Variants in SKIL observed in about 807,000 individuals in gnomAD.
SKIL encodes ski-like protein.
Under a neutral mutation model 69.6 loss-of-function variants are expected in SKIL, and 20 were observed. The observed-to-expected ratio is 0.29, with a 90% CI of 0.20 to 0.42. SKIL has a LOEUF of 0.42. Among genes scored for constraint, SKIL ranks in the 10% least tolerant of loss-of-function variants. The probability of loss-of-function intolerance (pLI) is 1.00; values close to 1 mark genes in which losing one functional copy is unlikely to be tolerated. For synonymous variants in SKIL, 310 were observed against 279.9 expected (o/e 1.11, Z -1.08); for missense variants, 745 against 783.1 (o/e 0.95, Z 0.58).
chr3:170,377,174 T>C (rs1186119821), intron 2 of SKIL, among the ~76,000 whole-genome samples: 1 of 152,144 alleles, frequency 6.6e-6, no homozygotes, highest in Non-Finnish European at 1.5e-5. Context: ...GTTTGTTTTA[T>C]AAATAAGCAG....
chr3:170,363,134 G>T (rs953290120), intron 2 of SKIL, among the ~76,000 whole-genome samples: 12 of 151,902 alleles, frequency 7.9e-5, no homozygotes, highest in African/African-American at 2.9e-4. Flanking sequence ...TAGGAACTTT[G>T]AATTTTTCCA....
At chr3:170,371,505 T>C (rs1339663056) in intron 2 of SKIL, among the ~76,000 whole-genome samples, 1 of 152,016 alleles carries the variant, frequency 6.6e-6, no homozygotes, top group Non-Finnish European at 1.5e-5. Flanking sequence ...AGACTCTGTC[T>C]CAAAAAAAGA....
rs963174780 is a variant in SKIL at position 170,393,807 on chromosome 3, A to G, written c.*1390A>G. ...GAAATTACTTCAGAGAGCTATATTT[A>G]TTTTAAAATAAATTAGCTAGGGTTA... On this transcript the variant is annotated 3_prime_UTR_variant, in exon 7 of 7. Transcript: ENST00000259119. The G allele has an allele frequency of 1.3e-5, 2 of 152,144 alleles. No homozygotes were observed. Among genetic ancestry groups the G allele is most frequent in the African/African-American group, 4.8e-5 (2 of 41,432 alleles). 9.4% of individuals were successfully genotyped at this position (152,144 alleles called of 1,614,324 possible).
rs552737000 is a variant in SKIL, at chr3:170,360,359, T to C, written c.28T>C (p.Leu10=). Residue 10 remains leucine (L), a synonymous_variant, in exon 2 of 7, where the codon TTG becomes CTG. Coordinates refer to ENST00000259119, the MANE Select transcript of SKIL (RefSeq NM_005414.5). MENLQTNFS[L]VQGSTKKLNG... is the part of the protein sequence containing the mutation. ...GGAAAACCTCCAGACAAATTTCTCC[T>C]TGGTTCAGGGCTCAACTAAAAAACT... 5 of 1,567,878 alleles carry C rather than the reference T, an allele frequency of 3.2e-6. No individual in the cohort carries two copies. The highest frequency in any genetic ancestry group is 4.3e-6 in the Non-Finnish European group (5 of 1,160,776).
intron 2 of SKIL, among the ~76,000 whole-genome samples, chr3:170,374,246 T>C (rs917746632): frequency 5.4e-5 from 6 of 112,076 alleles, no homozygotes; most frequent in Admixed American, 4.1e-4. Context: ...CATAGACATT[T>C]GGAGTTTTAT....
At chr3:170,390,992 G>C in intron 5 of SKIL, 44 bp from the exon 6 acceptor site, 1 of 1,090,664 alleles carries the variant, frequency 9.2e-7, no homozygotes, top group Non-Finnish European at 1.4e-6. Context: ...TTTTAACATG[G>C]TGAAAATAAA....
intron 3 of SKIL, among the ~76,000 whole-genome samples, chr3:170,384,071 C>A (rs1737495314): frequency 6.6e-6 from 1 of 150,380 alleles, no homozygotes; most frequent in Admixed American, 6.6e-5. Context: ...TACTTGCAAG[C>A]TGGTTATGGT....
intron 2 of SKIL, among the ~76,000 whole-genome samples, chr3:170,380,382 C>T (rs1177727061): frequency 6.6e-6 from 1 of 152,124 alleles, no homozygotes; most frequent in Non-Finnish European, 1.5e-5. Context: ...GTGGCTCATG[C>T]CTGTAATCCC....
intron 2 of SKIL, among the ~76,000 whole-genome samples, chr3:170,373,682 A>T (rs1736890893): frequency 6.6e-6 from 1 of 152,200 alleles, no homozygotes; most frequent in Non-Finnish European, 1.5e-5. Context: ...ATTTGAAAAT[A>T]AGTTCCAGCT....
Position 170,391,180 on chromosome 3 carries a change from A to G in SKIL, c.1816A>G (p.Lys606Glu), listed in dbSNP as rs1361478501. ...TGTTGAACAGAAAGACTTAGAGAAAAAATTGGAGCAGATAATGAAGCAAAA... is the reference window on the plus strand; with the variant it reads ...TGTTGAACAGAAAGACTTAGAGAAAGAATTGGAGCAGATAATGAAGCAAAA... ...FYVEQKDLEK[K>E]LEQIMKQKCT... The change falls in exon 6 of 7, where the codon AAA (lysine) becomes GAA (glutamate). Residue 606 changes from lysine (K) to glutamate (E), a missense_variant. Physicochemically the swap from Lys to Glu is moderately conservative, Grantham distance 56. Transcript: ENST00000259119. The G allele has an allele frequency of 5.0e-6, 8 of 1,613,036 alleles. No homozygotes were observed. The Admixed American group carries it at 1.3e-4, about 27-fold the overall frequency.
intron 2 of SKIL, among the ~76,000 whole-genome samples, chr3:170,380,654 A>G (rs59521469): frequency 6.6e-6 from 1 of 151,972 alleles, no homozygotes; most frequent in Non-Finnish European, 1.5e-5. Context: ...AAAAAAAAAA[A>G]AAAATAAATA....
intron 2 of SKIL, among the ~76,000 whole-genome samples, chr3:170,364,031 A>G (rs1736372570): frequency 6.7e-6 from 1 of 149,846 alleles, no homozygotes. Context: ...GCTCACTGCA[A>G]CCTCTGCCTC....
chr3:170,365,752 C>CTT (rs59222162), intron 2 of SKIL, among the ~76,000 whole-genome samples: 53 of 106,454 alleles, frequency 5.0e-4, no homozygotes, highest in Non-Finnish European at 6.4e-4. Flanking sequence ...TCAAACTAGG[C>CTT]TTTTTTTTTT....
intron 2 of SKIL, among the ~76,000 whole-genome samples, chr3:170,368,623 A>T (rs1375629355): frequency 6.6e-6 from 1 of 152,150 alleles, no homozygotes; most frequent in African/African-American, 2.4e-5. Flanking sequence ...AATATTATGT[A>T]TTTGAGGAGT....
In SKIL at chr3:170,396,527, G is replaced by C. The variant is rs1295871309; in HGVS notation, c.*4110G>C. 1 of 152,188 alleles carries C rather than the reference G, an allele frequency of 6.6e-6. No homozygotes were observed. Among genetic ancestry groups the C allele is most frequent in the Non-Finnish European group, 1.5e-5 (1 of 68,034 alleles). 9.4% of individuals were successfully genotyped at this position (152,188 alleles called of 1,614,324 possible). On this transcript the variant is annotated 3_prime_UTR_variant, in exon 7 of 7. Transcript: ENST00000259119. ...ATTGGCTACATTGACCATAATTAAA[G>C]TTAAAATTTTGCCAATGATGTACAG...
At chr3:170,366,704 CACACACACACAT>C (rs1736544859) in intron 2 of SKIL, among the ~76,000 whole-genome samples, 3 of 36,704 alleles carry the variant, frequency 8.2e-5, no homozygotes, top group Admixed American at 6.7e-4. Context: ...CAGACACACA[CACACACACACAT>C]ACTTGATTTT....
Position 170,370,439 on chromosome 3 carries a change from G to GAGAGAGA in SKIL, c.1098+9010_1098+9011insAGAGAGA. On this transcript the variant is annotated intron_variant, in intron 2 of 6. Transcript: ENST00000259119. ...ATATATACAGAGAGAGAGAGAGAGA[G>GAGAGAGA]CCCCCCCCCCCCCCCCGAGCAGGAG... is the stretch of plus-strand genomic sequence containing the variant. Among the ~76,000 whole-genome samples the GAGAGAGA allele has an allele frequency of 1.8e-4, 2 of 11,194 alleles. 1 individual carries two copies. Among genetic ancestry groups the GAGAGAGA allele is most frequent in the Non-Finnish European group, 3.4e-4 (2 of 5,816 alleles). 7.3% of individuals were successfully genotyped at this position (11,194 alleles called of 152,430 possible).
At chr3:170,358,311 C>T (rs1388032802) in intron 1 of SKIL, among the ~76,000 whole-genome samples, 1 of 151,148 alleles carries the variant, frequency 6.6e-6, no homozygotes, top group Non-Finnish European at 1.5e-5. Flanking sequence ...GTCCTTCCCG[C>T]GGCCCCCGCG....
chr3:170,359,204 T>C (rs952118682), intron 1 of SKIL, among the ~76,000 whole-genome samples: 1 of 152,234 alleles, frequency 6.6e-6, no homozygotes, highest in Non-Finnish European at 1.5e-5. Context: ...TCCAAATTGC[T>C]TTCCTATTTA....
Sources: gnomAD v4.1 joint callset for allele counts (sites outside exome capture counted in the v4.1 genomes callset) on GRCh38, gnomAD v4.1.1 for gene constraint, MANE v1.5 for transcripts, NCBI Gene and HGNC (gene_info 2026-07-23, HGNC 2026-07-21) for gene names.